NEK5: variants seen among roughly 807,000 people sequenced by gnomAD.
The protein encoded by NEK5 is serine/threonine-protein kinase Nek5.
NEK5 carries 88 observed loss-of-function variants against 109.2 expected under a neutral mutation model. The observed-to-expected ratio is 0.81, with a 90% confidence interval of 0.68 to 0.96. NEK5 has a LOEUF of 0.96. Among genes scored for constraint, NEK5 ranks in the 40% least tolerant of loss-of-function variants. The pLI, the probability that NEK5 is intolerant of heterozygous loss-of-function variation, is 0.00. For synonymous variants in NEK5, 283 were observed against 299.9 expected (o/e 0.94, Z 0.58); for missense variants, 834 against 920.7 (o/e 0.91, Z 1.22).
rs746076765 is a variant in NEK5, at chr13:52,119,375, A to C, written c.158T>G (p.Ile53Ser). The C allele has an allele frequency of 1.2e-6, 2 of 1,603,390 alleles. No homozygotes were observed. Among genetic ancestry groups the C allele is most frequent in the Non-Finnish European group, 1.7e-6 (2 of 1,172,046 alleles). ...QEKEASKKEV[I>S]LLEKMKHPNI... The stretch of plus-strand genomic sequence containing the variant: ...GGGATGTTTCATCTTTTCCAGAAGA[A>C]TCACTTCTTTCTTTGAAGCTTCTTT... Residue 53 changes from isoleucine (I) to serine (S), a missense_variant, in exon 4 of 24, where the codon ATT becomes AGT. Ile to Ser is a moderately radical substitution (Grantham distance 142). This residue lies in a region of NEK5 where 777 missense variants were observed against 824.7 expected (regional missense o/e 0.94). Transcript: ENST00000684899.
At chr13:52,080,755 G>A (rs28520845) in intron 17 of NEK5, among the ~76,000 whole-genome samples, 41 of 145,834 alleles carry the variant, frequency 2.8e-4, no homozygotes, top group African/African-American at 5.5e-4. Context: ...CAAACACTGC[G>A]GAAGGCCGCA....
At chr13:52,097,385 C>G (rs996632366) in intron 12 of NEK5, among the ~76,000 whole-genome samples, 1 of 152,196 alleles carries the variant, frequency 6.6e-6, no homozygotes, top group Non-Finnish European at 1.5e-5. Flanking sequence ...TGAGAGCAGC[C>G]GCAGGGGCTG....
rs769692748 is a variant in NEK5, at chr13:52,045,536, C to T, written c.2228+4568G>A. ...ATCCCAGCACTTTGGGAGGCCGAGG[C>T]GAGCGGATCACGAGGTCAGGAGATC... On this transcript the variant is annotated intron_variant, in intron 23 of 23. Coordinates refer to ENST00000684899, the MANE Select transcript of NEK5 (RefSeq NM_001365552.1). Among the ~76,000 whole-genome samples the T allele has an allele frequency of 3.2e-3, 468 of 148,082 alleles. 5 individuals carry two copies. The highest frequency in any genetic ancestry group is 3.4e-3 in the Non-Finnish European group (229 of 67,046).
rs1954334291 is a variant in NEK5, at chr13:52,034,067, A to ATGT, written c.*2878_*2880dup. 1.3e-5 allele frequency: 2 copies of ATGT among 152,274 alleles called. No homozygotes were observed. Among genetic ancestry groups the ATGT allele is most frequent in the East Asian group, 3.9e-4 (2 of 5,180 alleles). The allele number at this position is 152,274 out of a possible 1,614,324, so 9.4% of individuals were successfully genotyped here. ...ATGTGCTCAGTTGTACTATATGCAA[A>ATGT]TGTTACTAGACACAGAGGAGGTCAA... On this transcript the variant is annotated 3_prime_UTR_variant, in exon 24 of 24. Coordinates refer to ENST00000684899, the MANE Select transcript of NEK5 (RefSeq NM_001365552.1).
At chr13:52,080,447 A>G (rs1416465694) in intron 17 of NEK5, among the ~76,000 whole-genome samples, 3 of 152,120 alleles carry the variant, frequency 2.0e-5, no homozygotes, top group African/African-American at 4.8e-5. Context: ...TGTGGAATAG[A>G]AAGAGGGGAA....
rs1954676580 is a variant in NEK5, at chr13:52,065,594, G to A, written c.1865C>T (p.Thr622Ile). ...CCTCCTGTTTCCCACAGCAGCTACA[G>A]TCTGCGTGGAAAACCCTGGGTGTAA... ...HCPEAGFSTQ[T>I]VAAVGNRRQW... The change falls in exon 21 of 24, where the codon ACT becomes ATT. Residue 622 changes from threonine to isoleucine, a missense_variant. This residue lies in a region of NEK5 where 777 missense variants were observed against 824.7 expected (regional missense o/e 0.94). Transcript: ENST00000684899. The A allele has an allele frequency of 6.2e-7, 1 of 1,613,346 alleles. No individual in the cohort carries two copies. The highest frequency in any genetic ancestry group is 8.5e-7 in the Non-Finnish European group (1 of 1,179,310).
At chr13:52,066,632 C>T (rs1886545) in intron 20 of NEK5, among the ~76,000 whole-genome samples, 84,362 of 151,670 alleles carry the variant, frequency 0.56, 26,263 homozygotes, top group Non-Finnish European at 0.7. Flanking sequence ...GGTGAAACCC[C>T]GTCTCTATCA....
chr13:52,125,507 G>A (rs1315528532), intron 3 of NEK5, among the ~76,000 whole-genome samples: 1 of 152,224 alleles, frequency 6.6e-6, no homozygotes, highest in Non-Finnish European at 1.5e-5. Context: ...AGCTTGCAGT[G>A]AGCCGAGATG....
At chr13:52,038,921 G>T (rs375044625) in intron 23 of NEK5, among the ~76,000 whole-genome samples, 1 of 151,892 alleles carries the variant, frequency 6.6e-6, no homozygotes, top group Non-Finnish European at 1.5e-5. Context: ...GAGAACATGG[G>T]GGCAATGGTT....
At chr13:52,054,770 AG>A in intron 22 of NEK5, among the ~76,000 whole-genome samples, 1 of 152,358 alleles carries the variant, frequency 6.6e-6, no homozygotes, top group East Asian at 1.9e-4. Flanking sequence ...AACAAACAGA[AG>A]GGACATCCAC....
chr13:52,116,833 A>C (rs1481009210), intron 4 of NEK5, among the ~76,000 whole-genome samples: 1 of 152,236 alleles, frequency 6.6e-6, no homozygotes, highest in Non-Finnish European at 1.5e-5. Flanking sequence ...GATGGAATAT[A>C]CATGGAATTA....
chr13:52,103,445 G>C (rs573634771), intron 9 of NEK5, among the ~76,000 whole-genome samples: 137 of 152,210 alleles, frequency 9.0e-4, no homozygotes, highest in Admixed American at 2.9e-3. Flanking sequence ...AAACAATGGA[G>C]TACACATTTT....
intron 22 of NEK5, among the ~76,000 whole-genome samples, chr13:52,052,431 A>G (rs745571267): frequency 6.6e-6 from 1 of 152,224 alleles, no homozygotes; most frequent in South Asian, 2.1e-4. Flanking sequence ...CCACCAAGGT[A>G]TAAGACTCCT....
chr13:52,083,424 C>T (rs1168747140), intron 16 of NEK5, 72 bp from the exon 17 acceptor site: 9 of 879,052 alleles, frequency 1.0e-5, no homozygotes, highest in African/African-American at 6.6e-5. Context: ...GGCTGATGCG[C>T]GATCAATGAT....
At position 52,119,364 on chromosome 13, in the gene NEK5, T is replaced by G; in HGVS notation, c.169A>C (p.Lys57Gln). 1 of 1,605,454 alleles carries G rather than the reference T, an allele frequency of 6.2e-7. No homozygotes were observed. Among genetic ancestry groups the G allele is most frequent in the South Asian group, 1.1e-5 (1 of 90,138 alleles). Residue 57 changes from lysine to glutamine, a missense_variant, in exon 4 of 24, where the codon AAG (lysine) becomes CAG (glutamine). By Grantham distance (53) the Lys-to-Gln change is moderately conservative. This residue lies in a region of NEK5 where 777 missense variants were observed against 824.7 expected (regional missense o/e 0.94). Transcript: ENST00000684899. ...GCTACAATGTTGGGATGTTTCATCT[T>G]TTCCAGAAGAATCACTTCTTTCTTT... ...ASKKEVILLE[K>Q]MKHPNIVAFF...
Position 52,093,034 on chromosome 13 carries a change from A to T in NEK5, c.1208+20T>A, listed in dbSNP as rs1008641941. On this transcript the variant is annotated intron_variant, in intron 13 of 23. Coordinates refer to ENST00000684899, the MANE Select transcript of NEK5 (RefSeq NM_001365552.1). ...GATATTTTTAGATTAACCAAAGCTTAAGCTAGACCACAATATTACCATTGA... is the reference window on the plus strand; with the variant it reads ...GATATTTTTAGATTAACCAAAGCTTTAGCTAGACCACAATATTACCATTGA... The T allele has an allele frequency of 1.9e-6, 3 of 1,549,900 alleles. No homozygotes were observed. The African/African-American group carries it at 4.1e-5, about 21-fold the overall frequency.
intron 21 of NEK5, among the ~76,000 whole-genome samples, chr13:52,062,334 G>A (rs2137742668): frequency 6.6e-6 from 1 of 152,202 alleles, no homozygotes; most frequent in East Asian, 1.9e-4. Context: ...ATGTTATCAA[G>A]AACATAGGAA....
chr13:52,086,018 C>T (rs536251488), intron 16 of NEK5, among the ~76,000 whole-genome samples: 4 of 152,198 alleles, frequency 2.6e-5, no homozygotes, highest in African/African-American at 9.6e-5. Flanking sequence ...ATGAAGGAAA[C>T]AATCAATAAG....
At chr13:52,064,810 C>T (rs1277811748) in intron 21 of NEK5, 10 of 235,838 alleles carry the variant, frequency 4.2e-5, no homozygotes, top group Non-Finnish European at 7.4e-5. Context: ...TCCTGCTAAT[C>T]GGTGACCTTA....
Sources: allele counts gnomAD v4.1 joint callset (sites outside exome capture counted in the v4.1 genomes callset), GRCh38; gene constraint gnomAD v4.1.1; regional missense constraint gnomAD v4.1.1; transcripts MANE v1.5; gene names NCBI Gene and HGNC (gene_info 2026-07-23, HGNC 2026-07-21).